The following NEK7 variants were observed in gnomAD, a reference collection of about 807,000 sequenced individuals.
NEK7 encodes NIMA related kinase 7, also known as serine/threonine-protein kinase Nek7.
NEK7 carries 18 observed loss-of-function variants against 44.6 expected under a neutral mutation model. The ratio of observed to expected loss-of-function variants is 0.40; its 90% CI spans 0.28 to 0.60. The LOEUF (loss-of-function observed/expected upper bound fraction) is 0.60, where lower values mean the gene tolerates loss of function less well. Ranked by LOEUF, NEK7 falls within the 20% of genes least tolerant of loss-of-function variation. The pLI is 0.38. For missense variants in NEK7, 256 were observed against 366.5 expected (o/e 0.70, Z 2.46); for synonymous variants, 130 against 121.1 (o/e 1.07, Z -0.48).
At chr1:198,218,737 C>CA (rs57115639) in intron 1 of NEK7, among the ~76,000 whole-genome samples, 1,617 of 141,116 alleles carry the variant, frequency 0.011, 28 homozygotes, top group African/African-American at 0.037. Flanking sequence ...AAAAGATTGG[C>CA]AAAAAAAAAA....
At chr1:198,225,428 C>T (rs1046881679) in intron 1 of NEK7, among the ~76,000 whole-genome samples, 9 of 152,004 alleles carry the variant, frequency 5.9e-5, no homozygotes, top group African/African-American at 1.2e-4. Context: ...CATGATGGCT[C>T]TCGTCATCTC....
At chr1:198,210,926 G>C (rs1471424706) in intron 1 of NEK7, among the ~76,000 whole-genome samples, 1 of 151,062 alleles carries the variant, frequency 6.6e-6, no homozygotes, top group Non-Finnish European at 1.5e-5. Context: ...CTAATTTTTT[G>C]TATTTTTAGT....
At chr1:198,227,283 G>A (rs1192125565) in intron 1 of NEK7, among the ~76,000 whole-genome samples, 1 of 152,160 alleles carries the variant, frequency 6.6e-6, no homozygotes, top group Non-Finnish European at 1.5e-5. Context: ...GGGCATTTGG[G>A]TTGGTTCCAA....
chr1:198,241,113 A>G (rs1001861813), intron 2 of NEK7, among the ~76,000 whole-genome samples: 1 of 152,230 alleles, frequency 6.6e-6, no homozygotes, highest in African/African-American at 2.4e-5. Context: ...CTCCCATGGT[A>G]GCTGTTTTGA....
intron 1 of NEK7, among the ~76,000 whole-genome samples, chr1:198,222,825 A>G (rs1418372770): frequency 6.6e-6 from 1 of 151,966 alleles, no homozygotes; most frequent in Middle Eastern, 3.2e-3. Context: ...AGACAATTAC[A>G]AATTGTTATA....
chr1:198,210,095 C>T (rs1665720004), intron 1 of NEK7, among the ~76,000 whole-genome samples: 1 of 151,964 alleles, frequency 6.6e-6, no homozygotes, highest in Non-Finnish European at 1.5e-5. Context: ...CTGCGTCTGG[C>T]CTATTTTTAT....
rs78164865 is a variant in NEK7, at chr1:198,222,862, A to G, written c.-28-9691A>G. Among the ~76,000 whole-genome samples, 6 of 148,518 alleles carry G rather than the reference A, an allele frequency of 4.0e-5. No individual in the cohort carries two copies. In the East Asian group the frequency reaches 8.1e-4, roughly 20 times the overall value. On this transcript the variant is annotated intron_variant, in intron 1 of 9. Coordinates refer to ENST00000367385, the MANE Select transcript of NEK7 (RefSeq NM_133494.3). ...TTGCTGTGCAGAAACTAAAGAGTGA[A>G]GATAAGAATCAAGCGGGGGGTGGGG...
intron 1 of NEK7, among the ~76,000 whole-genome samples, chr1:198,180,853 AT>A (rs1023544125): frequency 1.7e-4 from 26 of 152,234 alleles, no homozygotes; most frequent in African/African-American, 6.0e-4. Flanking sequence ...TAGCTCACAC[AT>A]TTTTTAATGT....
At chr1:198,240,764 C>T (rs559231490) in intron 2 of NEK7, among the ~76,000 whole-genome samples, 34 of 152,186 alleles carry the variant, frequency 2.2e-4, no homozygotes, top group Middle Eastern at 3.2e-3. Flanking sequence ...GGCACGATCT[C>T]GGCTCACTGC....
At chr1:198,295,078 C>T in intron 8 of NEK7, among the ~76,000 whole-genome samples, 1 of 148,708 alleles carries the variant, frequency 6.7e-6, no homozygotes, top group South Asian at 2.1e-4. Context: ...TCAAATATTC[C>T]TGAAACCTCA....
At chr1:198,263,981 A>G (rs1014285389) in intron 4 of NEK7, 144 bp from the exon 5 acceptor site, 19 of 669,296 alleles carry the variant, frequency 2.8e-5, no homozygotes, top group African/African-American at 2.3e-4. Context: ...TTGTTTCACA[A>G]TTCACTAAAG....
intron 2 of NEK7, among the ~76,000 whole-genome samples, chr1:198,245,600 G>GAAAT (rs1164379469): frequency 6.6e-6 from 1 of 152,214 alleles, no homozygotes; most frequent in Non-Finnish European, 1.5e-5. Flanking sequence ...GTGCACTTGG[G>GAAAT]AAATACATGG....
chr1:198,160,517 CAT>C (rs1267041029), intron 1 of NEK7, among the ~76,000 whole-genome samples: 2 of 152,100 alleles, frequency 1.3e-5, no homozygotes, highest in Admixed American at 6.6e-5. Context: ...GTCTATAAAA[CAT>C]ATTAAACTTA....
At chr1:198,176,307 T>C (rs1231508692) in intron 1 of NEK7, among the ~76,000 whole-genome samples, 1 of 152,118 alleles carries the variant, frequency 6.6e-6, no homozygotes, top group Non-Finnish European at 1.5e-5. Context: ...ATGCTTAAAA[T>C]ACGTATTTTA....
intron 2 of NEK7, among the ~76,000 whole-genome samples, chr1:198,252,155 G>A (rs1214765128): frequency 2.0e-5 from 3 of 152,058 alleles, no homozygotes; most frequent in African/African-American, 7.2e-5. Context: ...TCAGGAGCAG[G>A]TTGTTCAGTT....
intron 7 of NEK7, among the ~76,000 whole-genome samples, chr1:198,290,550 G>A (rs7546420): frequency 0.2 from 30,216 of 151,930 alleles, 3,599 homozygotes; most frequent in African/African-American, 0.32. Context: ...GTGAGTCCTT[G>A]TCCAGAACGG....
At chr1:198,217,527 A>G (rs1443509634) in intron 1 of NEK7, among the ~76,000 whole-genome samples, 1 of 152,166 alleles carries the variant, frequency 6.6e-6, no homozygotes, top group African/African-American at 2.4e-5. Flanking sequence ...GAACTGGAAC[A>G]AGATAGGAAT....
At chr1:198,242,424 G>A (rs1288438038) in intron 2 of NEK7, among the ~76,000 whole-genome samples, 3 of 145,580 alleles carry the variant, frequency 2.1e-5, no homozygotes, top group African/African-American at 7.6e-5. Context: ...TTGAGATAAG[G>A]TCTCACTCTG....
rs1655514458 is a variant in NEK7, at chr1:198,320,805, A to G, written c.*1283A>G. On this transcript the variant is annotated 3_prime_UTR_variant, in exon 10 of 10. Coordinates refer to ENST00000367385, the MANE Select transcript of NEK7 (RefSeq NM_133494.3). The stretch of plus-strand genomic sequence containing the variant: ...TGACTACAGCCAGAACTGTTATGAG[A>G]TTAACATTTCTATTGAGAAGCTTTT... 1 of 152,200 alleles carries G rather than the reference A, an allele frequency of 6.6e-6. No homozygotes were observed. Among genetic ancestry groups the G allele is most frequent in the Admixed American group, 6.5e-5 (1 of 15,276 alleles). The allele number at this position is 152,200 out of a possible 1,614,324, so 9.4% of individuals were successfully genotyped here. A position where few individuals can be genotyped will look rare whatever the true frequency, so the allele number is the denominator to read the frequency against.
Sources: allele counts gnomAD v4.1 joint callset (sites outside exome capture counted in the v4.1 genomes callset), GRCh38; gene constraint gnomAD v4.1.1; transcripts MANE v1.5; gene names NCBI Gene and HGNC (gene_info 2026-07-23, HGNC 2026-07-21).